The following EYS variants were observed in gnomAD, a reference collection of about 807,000 sequenced individuals.
EYS encodes the protein EGF-like photoreceptor maintenance factor, also known as protein eyes shut homolog.
EYS carries 250 observed loss-of-function variants against 282.1 expected under a neutral mutation model. That is an observed-to-expected ratio of 0.89 (90% CI 0.80 to 0.98). The LOEUF (loss-of-function observed/expected upper bound fraction) is 0.98, where lower values mean the gene tolerates loss of function less well. Ranked by LOEUF, EYS falls within the 50% of genes least tolerant of loss-of-function variation. EYS has a pLI of 0.00. For missense variants in EYS, 4,016 were observed against 3,709.0 expected (o/e 1.08, Z -2.15); for synonymous variants, 1,355 against 1,282.9 (o/e 1.06, Z -1.20).
chr6:64,169,389 C>T (rs1290477071), intron 31 of EYS, among the ~76,000 whole-genome samples: 1 of 149,318 alleles, frequency 6.7e-6, no homozygotes, highest in Non-Finnish European at 1.5e-5. Context: ...TCAATCAATT[C>T]CAACAGGAAA....
chr6:64,051,045 G>T (rs190048762), intron 33 of EYS, among the ~76,000 whole-genome samples: 1 of 152,126 alleles, frequency 6.6e-6, no homozygotes, highest in Non-Finnish European at 1.5e-5. Context: ...TAGCTGATAC[G>T]TTGAATGATG....
chr6:65,025,888 A>G (rs1314588023), intron 13 of EYS, among the ~76,000 whole-genome samples: 1 of 152,228 alleles, frequency 6.6e-6, no homozygotes, highest in Non-Finnish European at 1.5e-5. Flanking sequence ...CAGGGCAGAG[A>G]AACTTCCACA....
intron 12 of EYS, among the ~76,000 whole-genome samples, chr6:65,059,242 C>G (rs1270932721): frequency 6.6e-6 from 1 of 151,658 alleles, no homozygotes; most frequent in Non-Finnish European, 1.5e-5. Context: ...AAAAGTTAAA[C>G]AATCAGGAAA....
At chr6:64,821,456 G>C (rs1583192868) in intron 21 of EYS, among the ~76,000 whole-genome samples, 189 bp downstream of exon 21, 1 of 151,734 alleles carries the variant, frequency 6.6e-6, no homozygotes, top group East Asian at 2.0e-4. Flanking sequence ...AAGAAAAGGT[G>C]GGGGAAAAAA....
chr6:65,064,415 T>C (rs1156990088), intron 12 of EYS, among the ~76,000 whole-genome samples: 3 of 145,768 alleles, frequency 2.1e-5, no homozygotes, highest in Non-Finnish European at 4.5e-5. Flanking sequence ...ATATATACTA[T>C]ATACCATATA....
intron 14 of EYS, among the ~76,000 whole-genome samples, chr6:64,954,149 C>T (rs1583327029): frequency 6.6e-6 from 1 of 151,808 alleles, no homozygotes; most frequent in South Asian, 2.1e-4. Flanking sequence ...GTCTACTATG[C>T]TATTTTCAAT....
At chr6:65,490,742 A>G (rs1387232286) in intron 4 of EYS, 35 bp from the exon 5 acceptor site, 1 of 1,080,370 alleles carries the variant, frequency 9.3e-7, no homozygotes, top group African/African-American at 1.6e-5. Context: ...TTTACATTGG[A>G]TATCAATATT....
At chr6:63,801,229 A>G (rs1036535725) in intron 37 of EYS, among the ~76,000 whole-genome samples, 1 of 152,158 alleles carries the variant, frequency 6.6e-6, no homozygotes, top group African/African-American at 2.4e-5. Context: ...TGCTATTGCA[A>G]TAGTGTGTGA....
intron 33 of EYS, among the ~76,000 whole-genome samples, chr6:64,041,410 A>T (rs899347821): frequency 7.2e-5 from 11 of 152,222 alleles, no homozygotes. Context: ...GAGGTCTAAA[A>T]TGCAGCCTTC....
At chr6:64,946,339 T>A (rs545224575) in intron 14 of EYS, among the ~76,000 whole-genome samples, 1 of 152,034 alleles carries the variant, frequency 6.6e-6, no homozygotes, top group African/African-American at 2.4e-5. Flanking sequence ...GACAGATTTA[T>A]TGTTACAGAT....
chr6:64,580,737 A>C (rs1326185163), intron 26 of EYS, among the ~76,000 whole-genome samples: 1 of 152,174 alleles, frequency 6.6e-6, no homozygotes, highest in Non-Finnish European at 1.5e-5. Flanking sequence ...TGGAAGGCGG[A>C]ATAGAAAGAC....
chr6:65,705,662 G>A (rs1769850479), intron 1 of EYS, among the ~76,000 whole-genome samples: 1 of 152,012 alleles, frequency 6.6e-6, no homozygotes, highest in South Asian at 2.1e-4. Context: ...TTTATTTATG[G>A]CAACTGCAAA....
At chr6:64,747,273 A>G (rs1436218956) in intron 22 of EYS, among the ~76,000 whole-genome samples, 2 of 152,164 alleles carry the variant, frequency 1.3e-5, no homozygotes, top group Non-Finnish European at 2.9e-5. Context: ...CCATTAGTCC[A>G]ATGCTTATTT....
At chr6:64,722,459 A>C (rs1265329910) in intron 22 of EYS, among the ~76,000 whole-genome samples, 1 of 152,084 alleles carries the variant, frequency 6.6e-6, no homozygotes, top group Admixed American at 6.6e-5. Context: ...TGTGAAAACA[A>C]AGCAAAGGAA....
At chr6:64,681,446 T>G (rs879129477) in intron 22 of EYS, among the ~76,000 whole-genome samples, 1 of 151,980 alleles carries the variant, frequency 6.6e-6, no homozygotes, top group Admixed American at 6.5e-5. Flanking sequence ...CTAGGGCAAA[T>G]ACTAGAAAGG....
chr6:64,554,517 T>C (rs1765182972), intron 26 of EYS, among the ~76,000 whole-genome samples: 1 of 152,020 alleles, frequency 6.6e-6, no homozygotes, highest in African/African-American at 2.4e-5. Context: ...AGACCTTGCA[T>C]GGTTAATATA....
chr6:64,929,173 GAC>G (rs1301264857), intron 15 of EYS, among the ~76,000 whole-genome samples: 2 of 152,064 alleles, frequency 1.3e-5, no homozygotes, highest in Non-Finnish European at 2.9e-5. Flanking sequence ...GGGAAATTTT[GAC>G]ACAGAGATAG....
chr6:64,452,515 G>C (rs148501195), intron 26 of EYS, among the ~76,000 whole-genome samples: 5,454 of 152,048 alleles, frequency 0.036, 231 homozygotes, highest in African/African-American at 0.1. Context: ...CTACTTTCAA[G>C]TTCATATGGA....
chr6:64,367,517 C>G (rs1355539362), intron 29 of EYS, among the ~76,000 whole-genome samples: 3 of 151,462 alleles, frequency 2.0e-5, no homozygotes, highest in African/African-American at 7.3e-5. Context: ...GGATGGAACA[C>G]AGATACCAGA....
Sources: allele counts gnomAD v4.1 joint callset (sites outside exome capture counted in the v4.1 genomes callset), GRCh38; gene constraint gnomAD v4.1.1; transcripts MANE v1.5; gene names NCBI Gene and HGNC (gene_info 2026-07-23, HGNC 2026-07-21).